Variants in L3MBTL4 observed in about 807,000 individuals in gnomAD.
L3MBTL4 encodes L3MBTL histone methyl-lysine binding protein 4.
L3MBTL4 carries 70 observed loss-of-function variants against 84.5 expected under a neutral mutation model. The observed-to-expected ratio is 0.83, with a 90% confidence interval of 0.68 to 1.01. The LOEUF is 1.01. Ranked by LOEUF, L3MBTL4 falls within the 50% of genes least tolerant of loss-of-function variation. The pLI is 0.00. For missense variants in L3MBTL4, 715 were observed against 754.8 expected, an observed-to-expected ratio of 0.95 and a Z score of 0.62; for synonymous variants, 274 against 259.8, an observed-to-expected ratio of 1.05 and a Z score of -0.52.
At chr18:5,978,939 C>A (rs1046099738) in intron 16 of L3MBTL4, among the ~76,000 whole-genome samples, 1 of 152,172 alleles carries the variant, frequency 6.6e-6, no homozygotes, top group African/African-American at 2.4e-5. Context: ...AAGCTATCAG[C>A]CTTAAAATCT....
chr18:6,337,064 G>C (rs1027760630), intron 1 of L3MBTL4, among the ~76,000 whole-genome samples: 2 of 152,068 alleles, frequency 1.3e-5, no homozygotes, highest in African/African-American at 4.8e-5. Flanking sequence ...GCAGTAATCT[G>C]CATAACAAGT....
intron 10 of L3MBTL4, among the ~76,000 whole-genome samples, chr18:6,233,170 A>C (rs2047069432): frequency 6.6e-6 from 1 of 151,928 alleles, no homozygotes; most frequent in African/African-American, 2.4e-5. Context: ...GGACGTACCT[A>C]AAAATAATAA....
At chr18:6,063,589 A>T (rs1568053326) in intron 16 of L3MBTL4, among the ~76,000 whole-genome samples, 1 of 151,332 alleles carries the variant, frequency 6.6e-6, no homozygotes, top group Non-Finnish European at 1.5e-5. Context: ...ATCTCATTGC[A>T]TTTCCCTGAT....
chr18:6,178,028 G>A (rs964002116), intron 12 of L3MBTL4, among the ~76,000 whole-genome samples: 1 of 152,016 alleles, frequency 6.6e-6, no homozygotes, highest in African/African-American at 2.4e-5. Context: ...GAGGAGTTAG[G>A]TCTTTCTATT....
chr18:6,193,025 A>T (rs62079180), intron 12 of L3MBTL4, among the ~76,000 whole-genome samples: 12,157 of 152,176 alleles, frequency 0.08, 679 homozygotes, highest in Non-Finnish European at 0.12. Context: ...CGGAGTTGGG[A>T]TATTCAAAGA....
chr18:5,956,381 C>T lies in L3MBTL4; in HGVS notation c.1684G>A (p.Asp562Asn), dbSNP rs770249591. ...HAKCFKKEQIDGKAFLLLTQT... is the reference protein window; with the variant it reads ...HAKCFKKEQINGKAFLLLTQT... ...GTCAGAAGCAGGAAGGCTTTGCCATCGATCTGCTGCAAATACATAAATAGA... is the reference window on the plus strand; with the variant it reads ...GTCAGAAGCAGGAAGGCTTTGCCATTGATCTGCTGCAAATACATAAATAGA... Residue 562 changes from aspartate to asparagine, a missense_variant, in exon 19 of 19, where the codon GAT becomes AAT. Coordinates refer to ENST00000317931, the MANE Select transcript of L3MBTL4 (RefSeq NM_001330559.2). The T allele has an allele frequency of 1.7e-5, 27 of 1,613,690 alleles. No homozygotes were observed. In the Admixed American group the frequency reaches 2.7e-4, roughly 16 times the overall value.
At chr18:6,355,727 A>C (rs1159004923) in intron 1 of L3MBTL4, among the ~76,000 whole-genome samples, 2 of 152,316 alleles carry the variant, frequency 1.3e-5, no homozygotes, top group South Asian at 4.1e-4. Flanking sequence ...AACCTCCTGC[A>C]ATATTAAAAA....
intron 13 of L3MBTL4, among the ~76,000 whole-genome samples, chr18:6,164,579 T>C (rs1354238682): frequency 3.3e-5 from 5 of 152,116 alleles, no homozygotes; most frequent in Non-Finnish European, 5.9e-5. Flanking sequence ...GGGTCTGGAG[T>C]GGACCTCCAA....
chr18:5,990,765 A>G (rs77963992), intron 16 of L3MBTL4, among the ~76,000 whole-genome samples: 8,848 of 130,990 alleles, frequency 0.068, 675 homozygotes, highest in African/African-American at 0.21. Context: ...AGTAGGGTTC[A>G]TGTGGGTGTG....
At chr18:6,243,770 C>T (rs1338611229) in intron 6 of L3MBTL4, among the ~76,000 whole-genome samples, 1 of 152,182 alleles carries the variant, frequency 6.6e-6, no homozygotes, top group Admixed American at 6.5e-5. Context: ...ATCTTCTGCC[C>T]TCTGGCCTGG....
intron 16 of L3MBTL4, among the ~76,000 whole-genome samples, chr18:6,058,523 G>C (rs1329753893): frequency 6.6e-6 from 1 of 152,052 alleles, no homozygotes; most frequent in Non-Finnish European, 1.5e-5. Context: ...ATAATCAAGA[G>C]AAAAAGTGTC....
At chr18:6,015,985 T>C (rs1167328955) in intron 16 of L3MBTL4, among the ~76,000 whole-genome samples, 17 of 151,950 alleles carry the variant, frequency 1.1e-4, no homozygotes, top group Non-Finnish European at 4.4e-5. Context: ...AAATAAAAAT[T>C]CACAACTCGG....
intron 1 of L3MBTL4, among the ~76,000 whole-genome samples, chr18:6,412,357 T>C (rs2144766855): frequency 6.6e-6 from 1 of 152,294 alleles, no homozygotes; most frequent in Non-Finnish European, 1.5e-5. Flanking sequence ...CATTCTTTCT[T>C]AATTATAATA....
rs150847046 is a variant in L3MBTL4, at chr18:6,042,082, C to T, written c.1444+38799G>A. On this transcript the variant is annotated intron_variant, in intron 16 of 18. Coordinates refer to ENST00000317931, the MANE Select transcript of L3MBTL4 (RefSeq NM_001330559.2). ...ATTCCCATACAGGTTTCCCCAACTG[C>T]CATACCTCCCCAAGCCCTCCCCACA... Among the ~76,000 whole-genome samples the T allele has an allele frequency of 7.1e-3, 1,085 of 152,246 alleles. 14 individuals are homozygous for T. The highest frequency in any genetic ancestry group is 0.025 in the African/African-American group (1,046 of 41,538).
At chr18:6,378,240 T>G (rs1026242581) in intron 1 of L3MBTL4, among the ~76,000 whole-genome samples, 9 of 152,238 alleles carry the variant, frequency 5.9e-5, no homozygotes, top group Non-Finnish European at 1.3e-4. Context: ...ATGGATAGAT[T>G]GCAAAACTTT....
intron 15 of L3MBTL4, among the ~76,000 whole-genome samples, chr18:6,090,589 TATATAC>T (rs1199422389): frequency 2.5e-4 from 31 of 125,532 alleles, no homozygotes; most frequent in South Asian, 1.4e-3. Flanking sequence ...ATATATTATA[TATATAC>T]ACACACACAC....
At chr18:6,297,537 T>C (rs960153585) in intron 4 of L3MBTL4, among the ~76,000 whole-genome samples, 2 of 152,144 alleles carry the variant, frequency 1.3e-5, no homozygotes, top group Admixed American at 6.6e-5. Context: ...CTAAAATTTT[T>C]CCAAAAATAA....
intron 13 of L3MBTL4, among the ~76,000 whole-genome samples, chr18:6,145,782 G>A (rs1446730978): frequency 2.0e-5 from 3 of 152,142 alleles, no homozygotes; most frequent in Non-Finnish European, 4.4e-5. Context: ...GGATACTGCA[G>A]GTTTATTAGA....
chr18:6,246,494 T>G (rs1167384622), intron 5 of L3MBTL4, among the ~76,000 whole-genome samples: 1 of 152,228 alleles, frequency 6.6e-6, no homozygotes, highest in African/African-American at 2.4e-5. Flanking sequence ...TGGAAAATGA[T>G]GAGTAGAACC....
Sources: allele counts gnomAD v4.1 joint callset (sites outside exome capture counted in the v4.1 genomes callset), GRCh38; gene constraint gnomAD v4.1.1; transcripts MANE v1.5; gene names NCBI Gene and HGNC (gene_info 2026-07-23, HGNC 2026-07-21).